The following GPR146 variants were observed in gnomAD, a reference collection of about 807,000 sequenced individuals.
The protein encoded by GPR146 is G-protein coupled receptor 146.
For missense variants in GPR146, 381 were observed against 213.9 expected, an observed-to-expected ratio of 1.78 and a Z score of -4.87; for synonymous variants, 203 against 104.3, an observed-to-expected ratio of 1.95 and a Z score of -5.77.
intron 1 of GPR146, chr7:1,055,521 G>A (rs568984382): frequency 4.2e-5 from 19 of 449,990 alleles, no homozygotes; most frequent in Admixed American, 4.0e-4. Flanking sequence ...GAGAGGGGAC[G>A]TGGGGGGCTC....
intron 1 of GPR146, among the ~76,000 whole-genome samples, chr7:1,045,042 T>C (rs769638406): frequency 9.9e-5 from 15 of 152,190 alleles, no homozygotes; most frequent in Non-Finnish European, 1.0e-4. Context: ...TTAAAGTGAG[T>C]TTTGGATCTG....
intron 1 of GPR146, among the ~76,000 whole-genome samples, chr7:1,054,014 A>T (rs1269530056): frequency 6.6e-6 from 1 of 152,130 alleles, no homozygotes; most frequent in Non-Finnish European, 1.5e-5. Context: ...GTGGCCGAGG[A>T]AGGGGTTTCC....
chr7:1,058,747 A>C lies in GPR146; in HGVS notation c.*230A>C. ...CCCGAGGCCTGTGCGTCTCCCAAACACGCAGCTCAAGGTCCACATCCGCAA... is the reference window on the plus strand; with the variant it reads ...CCCGAGGCCTGTGCGTCTCCCAAACCCGCAGCTCAAGGTCCACATCCGCAA... On this transcript the variant is annotated 3_prime_UTR_variant, in exon 2 of 2. Coordinates refer to ENST00000444847, the MANE Select transcript of GPR146 (RefSeq NM_001303473.2). 2 of 559,578 alleles carry C rather than the reference A, an allele frequency of 3.6e-6. No individual in the cohort carries two copies. The allele number at this position is 559,578 out of a possible 1,614,324, so 34.7% of individuals were successfully genotyped here.
chr7:1,046,588 C>A (rs1782601906), intron 1 of GPR146, among the ~76,000 whole-genome samples: 1 of 152,174 alleles, frequency 6.6e-6, no homozygotes, highest in South Asian at 2.1e-4. Context: ...ACGTTTCGCT[C>A]CAATTTGAGA....
rs777117061 is a variant in GPR146 at position 1,058,527 on chromosome 7, C to T, written c.*10C>T. On this transcript the variant is annotated 3_prime_UTR_variant, in exon 2 of 2. Coordinates refer to ENST00000444847, the MANE Select transcript of GPR146 (RefSeq NM_001303473.2). ...GCAGGTGCTGGCGTAGGCGGCCCAG[C>T]CCTCCTGGGGAGACGTGACTCTGGT... 32 of 774,852 alleles carry T rather than the reference C, an allele frequency of 4.1e-5. No individual in the cohort carries two copies. The highest frequency in any genetic ancestry group is 6.7e-5 in the Non-Finnish European group (28 of 415,312). 48.0% of individuals were successfully genotyped at this position (774,852 alleles called of 1,614,324 possible). A position where few individuals can be genotyped will look rare whatever the true frequency, so the allele number is the denominator to read the frequency against.
intron 1 of GPR146, among the ~76,000 whole-genome samples, chr7:1,057,116 T>C (rs1783881336): frequency 6.6e-6 from 1 of 151,968 alleles, no homozygotes; most frequent in Admixed American, 6.6e-5. Flanking sequence ...GCTGGCAAGA[T>C]GCGAACACCA....
chr7:1,050,834 C>T (rs890728072), intron 1 of GPR146, among the ~76,000 whole-genome samples: 2 of 152,216 alleles, frequency 1.3e-5, no homozygotes, highest in Non-Finnish European at 2.9e-5. Context: ...TCCACAGGCG[C>T]TCGGCAGGGA....
intron 1 of GPR146, among the ~76,000 whole-genome samples, chr7:1,053,724 G>A (rs1350004511): frequency 6.6e-6 from 1 of 152,236 alleles, no homozygotes; most frequent in Non-Finnish European, 1.5e-5. Flanking sequence ...CTATTCGGGA[G>A]GCTGAGGCAG....
intron 1 of GPR146, chr7:1,055,594 C>T (rs1394766786): frequency 5.1e-5 from 19 of 374,114 alleles, no homozygotes; most frequent in South Asian, 1.6e-4. Flanking sequence ...GGAGAGAGGA[C>T]GCAGGGGGTT....
intron 1 of GPR146, among the ~76,000 whole-genome samples, chr7:1,049,685 CCTGT>C (rs1287799172): frequency 1.3e-5 from 2 of 152,192 alleles, no homozygotes; most frequent in Non-Finnish European, 2.9e-5. Context: ...ACTACGAAGC[CCTGT>C]CTAACATTCC....
At chr7:1,047,206 C>G (rs997886709) in intron 1 of GPR146, among the ~76,000 whole-genome samples, 1 of 152,230 alleles carries the variant, frequency 6.6e-6, no homozygotes, top group African/African-American at 2.4e-5. Context: ...GCACAGGTGC[C>G]CAGCCCGCTC....
At chr7:1,046,084 A>G (rs1322775463) in intron 1 of GPR146, among the ~76,000 whole-genome samples, 1 of 152,140 alleles carries the variant, frequency 6.6e-6, no homozygotes, top group Non-Finnish European at 1.5e-5. Context: ...TATGTCTATC[A>G]TACAATGAAT....
chr7:1,048,548 G>A (rs1782798009), intron 1 of GPR146, among the ~76,000 whole-genome samples: 1 of 152,122 alleles, frequency 6.6e-6, no homozygotes, highest in Non-Finnish European at 1.5e-5. Context: ...ACAGGCCTGG[G>A]GCAGTCCATT....
intron 1 of GPR146, among the ~76,000 whole-genome samples, chr7:1,050,081 G>T (rs1583560396): frequency 6.6e-6 from 1 of 152,236 alleles, no homozygotes; most frequent in Non-Finnish European, 1.5e-5. Context: ...ACTCTGAACC[G>T]CAAGCACAGG....
Position 1,052,724 on chromosome 7 carries a change from G to A in GPR146, c.-24-4768G>A, listed in dbSNP as rs1011646217. Among the ~76,000 whole-genome samples, 3 of 152,004 alleles carry A rather than the reference G, an allele frequency of 2.0e-5. No individual in the cohort carries two copies. Among genetic ancestry groups the A allele is most frequent in the South Asian group, 2.1e-4 (1 of 4,814 alleles). ...GCCCCGGAAGCTGAATATCACCCCC[G>A]CCACCGGGCAGGCAGTGCTCAGAGT... On this transcript the variant is annotated intron_variant, in intron 1 of 1. Coordinates refer to ENST00000444847, the MANE Select transcript of GPR146 (RefSeq NM_001303473.2). The surrounding 1 kb of genome is among the most constrained non-coding windows in gnomAD (Gnocchi z 4.2).
In GPR146 at chr7:1,044,593, C is replaced by G. The variant is rs1583534439; in HGVS notation, c.-90C>G. On this transcript the variant is annotated 5_prime_UTR_variant, in exon 1 of 2. Coordinates refer to ENST00000444847, the MANE Select transcript of GPR146 (RefSeq NM_001303473.2). The stretch of plus-strand genomic sequence containing the variant: ...CGGGCGGCGTGCGCGCCGTGAGCCC[C>G]GCCGCCTCCGCCAGCCCGAGCTGCC... 1 of 150,960 alleles carries G rather than the reference C, an allele frequency of 6.6e-6. No individual in the cohort carries two copies. Among genetic ancestry groups the G allele is most frequent in the East Asian group, 1.9e-4 (1 of 5,176 alleles). 9.4% of individuals were successfully genotyped at this position (150,960 alleles called of 1,614,324 possible). A position where few individuals can be genotyped will look rare whatever the true frequency, so the allele number is the denominator to read the frequency against.
rs775654196 is a variant in GPR146 at position 1,058,470 on chromosome 7, CG to C, written c.957del (p.His320ThrfsTer24). On this transcript the variant is annotated frameshift_variant, in exon 2 of 2. Coordinates refer to ENST00000444847, the MANE Select transcript of GPR146 (RefSeq NM_001303473.2). LOFTEE classifies it high-confidence loss of function. Reference protein sequence around the residue: ...RLMKKLPCGDRHCSPDHMGVQ... With the variant: ...RLMKKLPCGDXHCSPDHMGVQ... ...GATGAAAAAGCTGCCCTGCGGGGAC[CG>C]GCACTGCTCCCCGGACCACATGGGG... 5.1e-6 allele frequency: 4 copies of C among 780,172 alleles called. No homozygotes were observed. The highest frequency in any genetic ancestry group is 9.6e-6 in the Non-Finnish European group (4 of 418,118). 48.3% of individuals were successfully genotyped at this position (780,172 alleles called of 1,614,324 possible).
chr7:1,051,351 C>G (rs1783093172), intron 1 of GPR146, among the ~76,000 whole-genome samples: 1 of 152,282 alleles, frequency 6.6e-6, no homozygotes, highest in Non-Finnish European at 1.5e-5. Flanking sequence ...CTGGGAGACC[C>G]TGAGCCAGGC....
rs1284853056 is a variant in GPR146 at position 1,058,455 on chromosome 7, C to G, written c.940C>G (p.Leu314Val). Reference sequence around the variant, plus strand: ...CAAGCTCCAACGGCTGATGAAAAAGCTGCCCTGCGGGGACCGGCACTGCTC... The same window carrying G: ...CAAGCTCCAACGGCTGATGAAAAAGGTGCCCTGCGGGGACCGGCACTGCTC... ...PSKLQRLMKK[L>V]PCGDRHCSPD... The change falls in exon 2 of 2, where the codon CTG (leucine) becomes GTG (valine). Residue 314 changes from leucine (L) to valine (V), a missense_variant. By Grantham distance (32) the Leu-to-Val change is conservative. Coordinates refer to ENST00000444847, the MANE Select transcript of GPR146 (RefSeq NM_001303473.2). 3 of 780,440 alleles carry G rather than the reference C, an allele frequency of 3.8e-6. No homozygotes were observed. Among genetic ancestry groups the G allele is most frequent in the South Asian group, 2.7e-5 (2 of 74,634 alleles). 48.3% of individuals were successfully genotyped at this position (780,440 alleles called of 1,614,324 possible).
Sources: allele counts gnomAD v4.1 joint callset (sites outside exome capture counted in the v4.1 genomes callset), GRCh38; gene constraint gnomAD v4.1.1; non-coding constraint Gnocchi (gnomAD v3.1); transcripts MANE v1.5; gene names NCBI Gene and HGNC (gene_info 2026-07-23, HGNC 2026-07-21).